The following BABAM1 variants were observed in gnomAD, a reference collection of about 807,000 sequenced individuals.
BABAM1 encodes the protein BRISC and BRCA1-A complex member 1.
In BABAM1, 14 loss-of-function variants were observed where a neutral mutation model predicts 34.4. The ratio of observed to expected loss-of-function variants is 0.41; its 90% CI spans 0.27 to 0.64. BABAM1 has a LOEUF of 0.64. BABAM1 is among the 30% of genes least tolerant of loss of function. The probability of loss-of-function intolerance (pLI) is 0.34; values close to 1 mark genes in which losing one functional copy is unlikely to be tolerated. For missense variants in BABAM1, 393 were observed against 434.0 expected, an observed-to-expected ratio of 0.91 and a Z score of 0.84; for synonymous variants, 169 against 165.8, an observed-to-expected ratio of 1.02 and a Z score of -0.15.
Position 17,271,602 on chromosome 19 carries a change from C to T in BABAM1, c.291C>T (p.Ile97=). 1 of 1,613,696 alleles carries T rather than the reference C, an allele frequency of 6.2e-7. No individual in the cohort carries two copies. The highest frequency in any genetic ancestry group is 1.7e-5 in the Admixed American group (1 of 59,968). The part of the protein sequence containing the change: ...PRVNCPEKVI[I]CLDLSEEMSL... ...ACCCTCCAACTACCTTGCAGATTATCTGCCTGGACCTGTCAGAGGAAATGT... is the reference window on the plus strand; with the variant it reads ...ACCCTCCAACTACCTTGCAGATTATTTGCCTGGACCTGTCAGAGGAAATGT... The change falls in exon 3 of 9, where the codon ATC becomes ATT. Residue 97 remains isoleucine (I), a synonymous_variant. Coordinates refer to ENST00000598188, the MANE Select transcript of BABAM1 (RefSeq NM_014173.4).
At chr19:17,275,134 G>T (rs2073893308) in intron 5 of BABAM1, among the ~76,000 whole-genome samples, 1 of 151,818 alleles carries the variant, frequency 6.6e-6, no homozygotes, top group African/African-American at 2.4e-5. Flanking sequence ...TGAATTCCTG[G>T]GCTCAAGTGA....
chr19:17,272,932 C>T (rs373264499), intron 3 of BABAM1, among the ~76,000 whole-genome samples: 2 of 152,030 alleles, frequency 1.3e-5, no homozygotes, highest in Admixed American at 6.6e-5. Flanking sequence ...GCAGGAGAAT[C>T]GTTTGAATCT....
chr19:17,271,717 A>G (rs1362694152), intron 3 of BABAM1, 62 bp downstream of exon 3: 58 of 1,546,966 alleles, frequency 3.7e-5, no homozygotes, highest in Non-Finnish European at 5.1e-5. Context: ...AGCCCAAAAG[A>G]TACGGGGCTC....
In BABAM1 at chr19:17,274,174, G is replaced by T. The variant is rs1157186173; in HGVS notation, c.533G>T (p.Cys178Phe). 6.2e-7 allele frequency: 1 copy of T among 1,613,080 alleles called. No homozygotes were observed. Among genetic ancestry groups the T allele is most frequent in the Non-Finnish European group, 8.5e-7 (1 of 1,179,872 alleles). Residue 178 changes from cysteine (C) to phenylalanine (F), a missense_variant, in exon 5 of 9, where the codon TGT becomes TTT. Cys to Phe is a radical substitution (Grantham distance 205). Coordinates refer to ENST00000598188, the MANE Select transcript of BABAM1 (RefSeq NM_014173.4). ...SCLYDLETAS[C>F]STFNLEGLFS... is the part of the protein sequence containing the mutation. ...CTCTATGATCTGGAGACGGCCTCCTGTTCCACCTTCAGTATCCTTCCTGGC... is the reference window on the plus strand; with the variant it reads ...CTCTATGATCTGGAGACGGCCTCCTTTTCCACCTTCAGTATCCTTCCTGGC...
Position 17,276,484 on chromosome 19 carries a change from C to G in BABAM1, c.570-11C>G, listed in dbSNP as rs534927439. The G allele has an allele frequency of 6.3e-7, 1 of 1,587,252 alleles. No individual in the cohort carries two copies. Among genetic ancestry groups the G allele is most frequent in the Non-Finnish European group, 8.6e-7 (1 of 1,167,630 alleles). ...GGCTGCTCTGACTGCTCCCTCCTCC[C>G]GGGTATGCAGCCAGCAGAAAACTGA... is the stretch of plus-strand genomic sequence containing the variant. On this transcript the variant is annotated splice_polypyrimidine_tract_variant and intron_variant, in intron 6 of 8. Transcript: ENST00000598188.
chr19:17,274,329 G>A, intron 5 of BABAM1, 144 bp downstream of exon 5: 4 of 1,051,578 alleles, frequency 3.8e-6, no homozygotes, highest in Non-Finnish European at 5.6e-6. Flanking sequence ...ACCCCTCTGA[G>A]CCTCAGTTTC....
At chr19:17,268,362 C>T (rs2073793585) in intron 1 of BABAM1, among the ~76,000 whole-genome samples, 1 of 151,954 alleles carries the variant, frequency 6.6e-6, no homozygotes, top group African/African-American at 2.4e-5. Context: ...GAAAGTGACT[C>T]CCTAAGAGGA....
At chr19:17,273,776 G>A (rs2073874613) in intron 3 of BABAM1, 128 bp from the exon 4 acceptor site, 9 of 1,233,694 alleles carry the variant, frequency 7.3e-6, no homozygotes, top group Non-Finnish European at 9.9e-6. Flanking sequence ...TCTTGACCAG[G>A]CTGGTGTTGA....
At chr19:17,277,255 G>T (rs2073921752) in intron 8 of BABAM1, 1 of 203,640 alleles carries the variant, frequency 4.9e-6, no homozygotes, top group South Asian at 8.5e-5. Flanking sequence ...AGGCTGGAGT[G>T]TAGTGGCATG....
At position 17,271,649 on chromosome 19, in the gene BABAM1, T is replaced by C. The variant is rs762409198; in HGVS notation, c.338T>C (p.Phe113Ser). 1.9e-6 allele frequency: 3 copies of C among 1,613,776 alleles called. No individual in the cohort carries two copies. The highest frequency in any genetic ancestry group is 2.5e-6 in the Non-Finnish European group (3 of 1,179,782). ...EEMSLPKLES[F>S]NGSKTNALNV... is the part of the protein sequence containing the mutation. Reference sequence around the variant, plus strand: ...ATGTCACTGCCAAAGCTGGAGTCGTTCAACGGGTAAGAGGGACATTTTAGG... The same window carrying C: ...ATGTCACTGCCAAAGCTGGAGTCGTCCAACGGGTAAGAGGGACATTTTAGG... Residue 113 changes from phenylalanine (F) to serine (S), a missense_variant, in exon 3 of 9, where the codon TTC becomes TCC. By Grantham distance (155) the Phe-to-Ser change is radical (BLOSUM62 -2). Transcript: ENST00000598188.
intron 8 of BABAM1, 90 bp downstream of exon 8, chr19:17,276,999 C>G: frequency 8.1e-7 from 1 of 1,232,730 alleles, no homozygotes; most frequent in Non-Finnish European, 1.1e-6. Flanking sequence ...TCTCTACCTC[C>G]ATTTGATACC....
chr19:17,271,686 C>G, intron 3 of BABAM1, 31 bp downstream of exon 3: 1 of 1,608,824 alleles, frequency 6.2e-7, no homozygotes, highest in South Asian at 1.1e-5. Context: ...CTTGAACATG[C>G]AGCCATGGCA....
chr19:17,268,270 G>T (rs1448714545), intron 1 of BABAM1, among the ~76,000 whole-genome samples: 1 of 151,624 alleles, frequency 6.6e-6, no homozygotes, highest in Non-Finnish European at 1.5e-5. Flanking sequence ...AAAAAAAGAG[G>T]AAAAAAGAGG....
At position 17,274,148 on chromosome 19, in the gene BABAM1, C is replaced by T. The variant is rs751826578; in HGVS notation, c.507C>T (p.Cys169=). ...CCGACCCCCGCGAGCTCTGTAGCTG[C>T]CTCTATGATCTGGAGACGGCCTCCT... ...LTSDPRELCS[C]LYDLETASCS... The change falls in exon 5 of 9, where the codon TGC becomes TGT. Residue 169 remains cysteine (C), a synonymous_variant. Transcript: ENST00000598188. 1.2e-6 allele frequency: 2 copies of T among 1,613,542 alleles called. No homozygotes were observed. Among genetic ancestry groups the T allele is most frequent in the African/African-American group, 2.7e-5 (2 of 74,884 alleles).
rs760372092 is a variant in BABAM1 at position 17,268,941 on chromosome 19, G to C, written c.135G>C (p.Val45=). The C allele has an allele frequency of 6.3e-7, 1 of 1,576,208 alleles. No individual in the cohort carries two copies. ...GGGCAGTAGGGGCACAGGCCAGCGT[G>C]GGCAGCCGCAGCGAGGGTGAGGGTG... is the stretch of plus-strand genomic sequence containing the variant. The part of the protein sequence containing the change: ...EDRAVGAQAS[V]GSRSEGEGEA... The change falls in exon 2 of 9, where the codon GTG becomes GTC. Residue 45 remains valine (V), a synonymous_variant. Coordinates refer to ENST00000598188, the MANE Select transcript of BABAM1 (RefSeq NM_014173.4).
Position 17,268,948 on chromosome 19 carries a change from C to T in BABAM1, c.142C>T (p.Arg48Cys). The T allele has an allele frequency of 1.9e-6, 3 of 1,574,956 alleles. No homozygotes were observed. The highest frequency in any genetic ancestry group is 2.0e-4 in the Middle Eastern group (1 of 4,976). Reference sequence around the variant, plus strand: ...AGGGGCACAGGCCAGCGTGGGCAGCCGCAGCGAGGGTGAGGGTGAGGCCGC... The same window carrying T: ...AGGGGCACAGGCCAGCGTGGGCAGCTGCAGCGAGGGTGAGGGTGAGGCCGC... ...AVGAQASVGSRSEGEGEAASA... is the reference protein window; with the variant it reads ...AVGAQASVGSCSEGEGEAASA... Residue 48 changes from arginine to cysteine, a missense_variant, in exon 2 of 9, where the codon CGC becomes TGC. Transcript: ENST00000598188.
intron 2 of BABAM1, among the ~76,000 whole-genome samples, chr19:17,270,524 C>CTTTT (rs955870596): frequency 1.4e-4 from 17 of 125,874 alleles, no homozygotes; most frequent in East Asian, 2.1e-4. Flanking sequence ...AGGTCACATT[C>CTTTT]TTTTTTTTTT....
chr19:17,278,986 C>T lies in BABAM1; in HGVS notation c.928C>T (p.His310Tyr), dbSNP rs1236030976. The change falls in exon 9 of 9, where the codon CAT (histidine) becomes TAT (tyrosine). Residue 310 changes from histidine (H) to tyrosine (Y), a missense_variant. By Grantham distance (83) the His-to-Tyr change is moderately conservative. Coordinates refer to ENST00000598188, the MANE Select transcript of BABAM1 (RefSeq NM_014173.4). ...CCCCCTGCAGCGGCCTTGCCAGAGCCATGCTTCCTACAGCCTGCTGGAGGA... is the reference window on the plus strand; with the variant it reads ...CCCCCTGCAGCGGCCTTGCCAGAGCTATGCTTCCTACAGCCTGCTGGAGGA... ...AHPLQRPCQS[H>Y]ASYSLLEEED... The T allele has an allele frequency of 1.2e-6, 2 of 1,612,766 alleles. No homozygotes were observed. The highest frequency in any genetic ancestry group is 1.7e-6 in the Non-Finnish European group (2 of 1,179,526).
chr19:17,278,747 G>T, intron 8 of BABAM1, 98 bp from the exon 9 acceptor site: 1 of 1,217,994 alleles, frequency 8.2e-7, no homozygotes, highest in Non-Finnish European at 1.2e-6. Context: ...ACCCACCCCA[G>T]ATGTCCCCTC....
Sources: gnomAD v4.1 joint callset for allele counts (sites outside exome capture counted in the v4.1 genomes callset) on GRCh38, gnomAD v4.1.1 for gene constraint, MANE v1.5 for transcripts, NCBI Gene and HGNC (gene_info 2026-07-23, HGNC 2026-07-21) for gene names.